The following ADGRA3 variants were observed in gnomAD, a reference collection of about 807,000 sequenced individuals.
ADGRA3 encodes G-protein coupled receptor 125.
In ADGRA3, 56 loss-of-function variants were observed where a neutral mutation model predicts 119.8. The ratio of observed to expected loss-of-function variants is 0.47; its 90% CI spans 0.38 to 0.58. The LOEUF is 0.58. ADGRA3 is among the 20% of genes least tolerant of loss of function. The pLI is 0.00. For synonymous variants in ADGRA3, 607 were observed against 623.8 expected, an observed-to-expected ratio of 0.97 and a Z score of 0.40; for missense variants, 1,516 against 1,649.0, an observed-to-expected ratio of 0.92 and a Z score of 1.40.
intron 10 of ADGRA3, among the ~76,000 whole-genome samples, chr4:22,432,757 C>G (rs1239732399): frequency 1.3e-5 from 2 of 152,158 alleles, no homozygotes; most frequent in Admixed American, 6.5e-5. Context: ...TCACTTAGAT[C>G]TGGCAGTTTG....
intron 14 of ADGRA3, among the ~76,000 whole-genome samples, chr4:22,408,051 A>T (rs1715023490): frequency 6.6e-6 from 1 of 152,092 alleles, no homozygotes; most frequent in Non-Finnish European, 1.5e-5. Flanking sequence ...ATGTTAAAAG[A>T]CGACTATGAC....
chr4:22,494,827 T>C (rs1475025950), intron 1 of ADGRA3, among the ~76,000 whole-genome samples: 4 of 151,976 alleles, frequency 2.6e-5, no homozygotes, highest in Non-Finnish European at 4.4e-5. Context: ...GTGAAAACTA[T>C]ATACAAAGAG....
intron 17 of ADGRA3, among the ~76,000 whole-genome samples, chr4:22,390,139 T>C (rs918074249): frequency 6.6e-6 from 1 of 151,832 alleles, no homozygotes; most frequent in Admixed American, 6.6e-5. Flanking sequence ...CTTCCTGCTG[T>C]ACTAATTCAC....
intron 1 of ADGRA3, among the ~76,000 whole-genome samples, chr4:22,511,176 G>A (rs1719435002): frequency 6.6e-6 from 1 of 152,112 alleles, no homozygotes; most frequent in Non-Finnish European, 1.5e-5. Context: ...CATTTAGAAA[G>A]GCAGTGATAA....
At position 22,388,465 on chromosome 4, in the gene ADGRA3, G is replaced by A. The variant is rs1458329968; in HGVS notation, c.3206C>T (p.Ser1069Leu). The A allele has an allele frequency of 6.2e-7, 1 of 1,614,048 alleles. No homozygotes were observed. The highest frequency in any genetic ancestry group is 1.1e-5 in the South Asian group (1 of 91,080). The change falls in exon 19 of 19, where the codon TCA (serine) becomes TTA (leucine). Residue 1069 changes from serine (S) to leucine (L), a missense_variant. This residue lies in a region of ADGRA3 where 1,088 missense variants were observed against 1,107.1 expected (regional missense o/e 0.98). Transcript: ENST00000334304. ...MTCCPGRSSY[S>L]VQVNVQPPNS... is the part of the protein sequence containing the mutation. ...GGGGGGCTGGACGTTGACTTGCACT[G>A]AATACGAGCTCCGTCCTGGGCAGCA...
intron 1 of ADGRA3, among the ~76,000 whole-genome samples, chr4:22,479,536 A>G (rs948360030): frequency 2.0e-5 from 3 of 152,124 alleles, no homozygotes; most frequent in African/African-American, 7.2e-5. Flanking sequence ...GAATGCCTTT[A>G]CACTGTTGAA....
intron 1 of ADGRA3, among the ~76,000 whole-genome samples, chr4:22,499,347 C>A (rs148130381): frequency 6.6e-6 from 1 of 152,186 alleles, no homozygotes; most frequent in Non-Finnish European, 1.5e-5. Context: ...CCTCGTTTTA[C>A]TAGTCAGGAA....
At chr4:22,469,178 T>C (rs952207923) in intron 2 of ADGRA3, among the ~76,000 whole-genome samples, 1 of 152,276 alleles carries the variant, frequency 6.6e-6, no homozygotes, top group African/African-American at 2.4e-5. Flanking sequence ...GAGGTGTCCC[T>C]GCACACTCTA....
At chr4:22,426,131 TAAG>T (rs1715921947) in intron 10 of ADGRA3, among the ~76,000 whole-genome samples, 1 of 152,304 alleles carries the variant, frequency 6.6e-6, no homozygotes, top group South Asian at 2.1e-4. Context: ...GCCTCTCTTT[TAAG>T]ATGATAGACT....
intron 3 of ADGRA3, among the ~76,000 whole-genome samples, chr4:22,459,397 A>G (rs1460679203): frequency 6.6e-6 from 1 of 152,082 alleles, no homozygotes; most frequent in Non-Finnish European, 1.5e-5. Flanking sequence ...TGATGAAATA[A>G]TCTGTGTAAC....
At chr4:22,443,317 AAC>A (rs367863219) in intron 6 of ADGRA3, among the ~76,000 whole-genome samples, 1 of 152,322 alleles carries the variant, frequency 6.6e-6, no homozygotes, top group African/African-American at 2.4e-5. Flanking sequence ...AACAGAAAAA[AAC>A]AGTATGTTAA....
At position 22,474,416 on chromosome 4, in the gene ADGRA3, G is replaced by A. The variant is rs1308032150; in HGVS notation, c.258-573C>T. On this transcript the variant is annotated intron_variant, in intron 1 of 18. Coordinates refer to ENST00000334304, the MANE Select transcript of ADGRA3 (RefSeq NM_145290.4). ...AATCATAATATATCTCATGCTTTTG[G>A]GCAATGTTTATCAAAATTAAATTGA... Among the ~76,000 whole-genome samples, 7 of 152,158 alleles carry A rather than the reference G, an allele frequency of 4.6e-5. No individual in the cohort carries two copies. In the South Asian group the frequency reaches 8.3e-4, roughly 18 times the overall value.
intron 1 of ADGRA3, among the ~76,000 whole-genome samples, chr4:22,475,189 T>A (rs1035136076): frequency 5.9e-5 from 9 of 152,168 alleles, no homozygotes; most frequent in African/African-American, 2.2e-4. Context: ...TTCCTCTCAG[T>A]AACAGAGTTC....
chr4:22,466,011 A>G (rs929228287), intron 2 of ADGRA3, among the ~76,000 whole-genome samples: 1 of 152,136 alleles, frequency 6.6e-6, no homozygotes, highest in African/African-American at 2.4e-5. Context: ...TGTAAACCAC[A>G]CAAGTTCTCA....
intron 1 of ADGRA3, among the ~76,000 whole-genome samples, chr4:22,508,692 C>G (rs1344961671): frequency 6.6e-6 from 1 of 152,132 alleles, no homozygotes; most frequent in Non-Finnish European, 1.5e-5. Flanking sequence ...AAAGAAGCAA[C>G]CTGGCCACAC....
intron 1 of ADGRA3, among the ~76,000 whole-genome samples, chr4:22,507,584 G>A (rs140655994): frequency 6.6e-6 from 1 of 152,124 alleles, no homozygotes; most frequent in Non-Finnish European, 1.5e-5. Flanking sequence ...TATCATATTC[G>A]TTTGTTTTGG....
At chr4:22,437,657 A>T (rs994660578) in intron 8 of ADGRA3, among the ~76,000 whole-genome samples, 5 of 152,176 alleles carry the variant, frequency 3.3e-5, no homozygotes, top group Non-Finnish European at 5.9e-5. Flanking sequence ...CTAAAATAAA[A>T]AAATAAATAA....
chr4:22,474,937 C>G lies in ADGRA3; in HGVS notation c.258-1094G>C, dbSNP rs184217014. Among the ~76,000 whole-genome samples, 12 of 152,244 alleles carry G rather than the reference C, an allele frequency of 7.9e-5. No homozygotes were observed. The East Asian group carries it at 2.3e-3, about 29-fold the overall frequency. On this transcript the variant is annotated intron_variant, in intron 1 of 18. Coordinates refer to ENST00000334304, the MANE Select transcript of ADGRA3 (RefSeq NM_145290.4). ...TTTGTATATACAAATGTAAATGGAG[C>G]ATACCTCTGGATCAGAAGATTTTAG... is the stretch of plus-strand genomic sequence containing the variant.
chr4:22,511,352 G>A (rs545595690), intron 1 of ADGRA3, among the ~76,000 whole-genome samples: 4 of 152,076 alleles, frequency 2.6e-5, no homozygotes, highest in South Asian at 2.1e-4. Flanking sequence ...TAATAGAAGC[G>A]GTTTAATCCC....
Sources: allele counts gnomAD v4.1 joint callset (sites outside exome capture counted in the v4.1 genomes callset), GRCh38; gene constraint gnomAD v4.1.1; regional missense constraint gnomAD v4.1.1; transcripts MANE v1.5; gene names NCBI Gene and HGNC (gene_info 2026-07-23, HGNC 2026-07-21).